Variants in SLC26A7 observed in about 807,000 individuals in gnomAD.
The protein encoded by SLC26A7 is anion exchange transporter.
A neutral mutation model predicts 82.5 loss-of-function variants in SLC26A7; 59 were observed. The observed-to-expected ratio is 0.72, with a 90% CI of 0.58 to 0.89. The LOEUF (loss-of-function observed/expected upper bound fraction) is 0.89. SLC26A7 is among the 40% of genes least tolerant of loss of function. SLC26A7 has a pLI of 0.00. For missense variants in SLC26A7, 820 were observed against 793.0 expected, an observed-to-expected ratio of 1.03 and a Z score of -0.41; for synonymous variants, 271 against 274.3, an observed-to-expected ratio of 0.99 and a Z score of 0.12.
At chr8:91,284,422 G>A (rs570450342) in intron 2 of SLC26A7, among the ~76,000 whole-genome samples, 5 of 152,248 alleles carry the variant, frequency 3.3e-5, no homozygotes, top group South Asian at 2.1e-4. Flanking sequence ...TTGGAGAGAC[G>A]AAGGAGACAA....
intron 15 of SLC26A7, 144 bp from the exon 16 acceptor site, chr8:91,389,194 T>C (rs1430930112): frequency 1.6e-6 from 1 of 633,524 alleles, no homozygotes; most frequent in African/African-American, 1.9e-5. Flanking sequence ...TAATTAATAA[T>C]TTACTGAAAA....
intron 11 of SLC26A7, among the ~76,000 whole-genome samples, chr8:91,354,416 C>A (rs1177659060): frequency 1.3e-5 from 2 of 151,958 alleles, no homozygotes; most frequent in Admixed American, 1.3e-4. Flanking sequence ...ATGGGTAGAA[C>A]ATATAATGTG....
At chr8:91,252,037 C>T (rs1810671465) in intron 2 of SLC26A7, among the ~76,000 whole-genome samples, 1 of 152,050 alleles carries the variant, frequency 6.6e-6, no homozygotes, top group South Asian at 2.1e-4. Context: ...ACAATATTGG[C>T]AATTATTATC....
At chr8:91,276,737 C>A (rs1231598050) in intron 2 of SLC26A7, among the ~76,000 whole-genome samples, 1 of 152,116 alleles carries the variant, frequency 6.6e-6, no homozygotes, top group Non-Finnish European at 1.5e-5. Flanking sequence ...CCTTGGCCAG[C>A]AATCTCAGAC....
At chr8:91,349,285 G>A (rs560563577) in intron 9 of SLC26A7, among the ~76,000 whole-genome samples, 1 of 152,106 alleles carries the variant, frequency 6.6e-6, no homozygotes, top group African/African-American at 2.4e-5. Context: ...TACCATTTAA[G>A]GTAAACAAAT....
At chr8:91,351,299 C>G (rs1241151482) in intron 9 of SLC26A7, among the ~76,000 whole-genome samples, 2 of 152,064 alleles carry the variant, frequency 1.3e-5, no homozygotes, top group Admixed American at 1.3e-4. Context: ...ACTCCCATAT[C>G]CCATATAACT....
At chr8:91,361,067 T>C (rs866827310) in intron 11 of SLC26A7, among the ~76,000 whole-genome samples, 6 of 152,294 alleles carry the variant, frequency 3.9e-5, no homozygotes, top group Middle Eastern at 3.4e-3. Flanking sequence ...GATCTTAACA[T>C]GAGATTCATT....
intron 2 of SLC26A7, among the ~76,000 whole-genome samples, chr8:91,235,006 A>T (rs1442989504): frequency 1.3e-5 from 2 of 151,046 alleles, no homozygotes; most frequent in East Asian, 3.9e-4. Context: ...TGCAACCTCT[A>T]CCTCCTGGGC....
intron 15 of SLC26A7, among the ~76,000 whole-genome samples, chr8:91,374,616 T>C (rs1814457433): frequency 6.6e-6 from 1 of 152,026 alleles, no homozygotes; most frequent in African/African-American, 2.4e-5. Flanking sequence ...TGATTTTTTT[T>C]TGGAATTTAT....
At chr8:91,316,777 T>G (rs1812644280) in intron 4 of SLC26A7, among the ~76,000 whole-genome samples, 1 of 151,634 alleles carries the variant, frequency 6.6e-6, no homozygotes, top group Non-Finnish European at 1.5e-5. Flanking sequence ...GTGACTGAGT[T>G]TACACAGATG....
chr8:91,373,509 A>G (rs370936810), intron 15 of SLC26A7, among the ~76,000 whole-genome samples: 2 of 152,054 alleles, frequency 1.3e-5, no homozygotes, highest in African/African-American at 4.8e-5. Context: ...AATTCTGTCT[A>G]TGTGGTGAAC....
At chr8:91,276,051 A>G (rs1811397928) in intron 2 of SLC26A7, among the ~76,000 whole-genome samples, 1 of 152,188 alleles carries the variant, frequency 6.6e-6, no homozygotes, top group Admixed American at 6.5e-5. Context: ...GGCTGTATAT[A>G]ATAAATTTTT....
At chr8:91,344,396 A>G (rs1813504161) in intron 9 of SLC26A7, among the ~76,000 whole-genome samples, 2 of 152,190 alleles carry the variant, frequency 1.3e-5, no homozygotes, top group African/African-American at 4.8e-5. Flanking sequence ...ACAGCAAACC[A>G]TTATTCAAAC....
intron 4 of SLC26A7, among the ~76,000 whole-genome samples, chr8:91,300,218 C>T (rs1369574694): frequency 1.3e-5 from 2 of 151,918 alleles, no homozygotes; most frequent in African/African-American, 4.8e-5. Context: ...AAGTTTATTC[C>T]CAAGGATTTA....
chr8:91,218,464 A>G (rs1299726247), intron 1 of SLC26A7, among the ~76,000 whole-genome samples: 2 of 152,200 alleles, frequency 1.3e-5, no homozygotes, highest in African/African-American at 4.8e-5. Context: ...AATTTTAGGA[A>G]GATTAATTTC....
chr8:91,259,467 A>G (rs918677563), intron 2 of SLC26A7, among the ~76,000 whole-genome samples: 4 of 152,096 alleles, frequency 2.6e-5, no homozygotes, highest in East Asian at 1.9e-4. Flanking sequence ...ATAAAAGTAA[A>G]CAACACCTAG....
chr8:91,239,387 A>ATAT (rs1370145787), intron 2 of SLC26A7, among the ~76,000 whole-genome samples: 5 of 106,528 alleles, frequency 4.7e-5, no homozygotes, highest in Non-Finnish European at 1.0e-4. Flanking sequence ...AAAAAAAAAA[A>ATAT]AAAAAAAAAT....
At chr8:91,260,883 A>C (rs1318947357) in intron 2 of SLC26A7, among the ~76,000 whole-genome samples, 1 of 152,108 alleles carries the variant, frequency 6.6e-6, no homozygotes, top group Admixed American at 6.6e-5. Context: ...TCTGTGGACC[A>C]AAAGAATGTG....
intron 4 of SLC26A7, among the ~76,000 whole-genome samples, chr8:91,300,665 G>A (rs1812141957): frequency 6.6e-6 from 1 of 152,158 alleles, no homozygotes; most frequent in South Asian, 2.1e-4. Context: ...CCAAAGTGCT[G>A]GGATTACAGG....
Sources: allele counts gnomAD v4.1 joint callset (sites outside exome capture counted in the v4.1 genomes callset), GRCh38; gene constraint gnomAD v4.1.1; transcripts MANE v1.5; gene names NCBI Gene and HGNC (gene_info 2026-07-23, HGNC 2026-07-21).